Variants in ADCK1 observed in about 807,000 individuals in gnomAD.
The protein encoded by ADCK1 is aarF domain containing kinase 1, also known as aarF domain-containing protein kinase 1.
ADCK1 carries 41 observed loss-of-function variants against 52.3 expected under a neutral mutation model. The ratio of observed to expected loss-of-function variants is 0.78; its 90% CI spans 0.61 to 1.02. The LOEUF (loss-of-function observed/expected upper bound fraction) is 1.02. Among genes scored for constraint, ADCK1 ranks in the 50% least tolerant of loss-of-function variants. The probability of loss-of-function intolerance (pLI) is 0.00; values close to 1 mark genes in which losing one functional copy is unlikely to be tolerated. For synonymous variants in ADCK1, 250 were observed against 274.6 expected (o/e 0.91, Z 0.89); for missense variants, 658 against 679.5 (o/e 0.97, Z 0.35).
chr14:77,922,171 G>C (rs114409009), intron 7 of ADCK1, among the ~76,000 whole-genome samples: 10 of 152,192 alleles, frequency 6.6e-5, no homozygotes, highest in Non-Finnish European at 8.8e-5. Flanking sequence ...TGGTGGCATC[G>C]AGATGGGGAC....
chr14:77,861,404 G>A (rs929331117), intron 4 of ADCK1, among the ~76,000 whole-genome samples: 3 of 152,088 alleles, frequency 2.0e-5, no homozygotes, highest in African/African-American at 7.2e-5. Context: ...AAGGGTGGGT[G>A]CGTGTGGGGG....
intron 4 of ADCK1, among the ~76,000 whole-genome samples, chr14:77,878,569 G>C (rs1035904425): frequency 2.0e-5 from 3 of 152,222 alleles, no homozygotes; most frequent in Non-Finnish European, 4.4e-5. Flanking sequence ...TCTCAACTGT[G>C]GTGGGGCATA....
intron 1 of ADCK1, among the ~76,000 whole-genome samples, chr14:77,809,107 G>A (rs2081285379): frequency 6.6e-6 from 1 of 152,156 alleles, no homozygotes; most frequent in Non-Finnish European, 1.5e-5. Flanking sequence ...GCAAGTTGGG[G>A]TAAGAATTTG....
At chr14:77,861,168 C>A (rs1039656430) in intron 4 of ADCK1, among the ~76,000 whole-genome samples, 2 of 152,200 alleles carry the variant, frequency 1.3e-5, no homozygotes, top group African/African-American at 4.8e-5. Context: ...CTTCTTTAGA[C>A]CCCTGAGGAA....
At chr14:77,811,644 T>C (rs961394196) in intron 1 of ADCK1, among the ~76,000 whole-genome samples, 3 of 152,092 alleles carry the variant, frequency 2.0e-5, no homozygotes, top group South Asian at 2.1e-4. Context: ...CACTACAAAA[T>C]TGATACAAAA....
intron 3 of ADCK1, among the ~76,000 whole-genome samples, chr14:77,842,198 A>G (rs1468693425): frequency 6.6e-6 from 1 of 152,172 alleles, no homozygotes; most frequent in Non-Finnish European, 1.5e-5. Flanking sequence ...TATAGAAATC[A>G]TGGCATGTCA....
chr14:77,907,289 T>G (rs549288982), intron 6 of ADCK1, among the ~76,000 whole-genome samples: 2 of 152,346 alleles, frequency 1.3e-5, no homozygotes, highest in East Asian at 3.9e-4. Flanking sequence ...CAATGTTGTC[T>G]GCCCCAGGAA....
At position 77,907,930 on chromosome 14, in the gene ADCK1, G is replaced by T; in HGVS notation, c.858+11G>T. ...ATCGACGTCAATGAGGTGAGGTCAA[G>T]AGCTCAGGGCTGCTGTGCCGGGGAA... is the stretch of plus-strand genomic sequence containing the variant. On this transcript the variant is annotated intron_variant, in intron 7 of 10. Coordinates refer to ENST00000238561, the MANE Select transcript of ADCK1 (RefSeq NM_020421.4). 6.2e-7 allele frequency: 1 copy of T among 1,611,442 alleles called. No homozygotes were observed. The highest frequency in any genetic ancestry group is 1.1e-5 in the South Asian group (1 of 90,912).
intron 1 of ADCK1, among the ~76,000 whole-genome samples, chr14:77,804,935 G>A (rs2081187493): frequency 6.6e-6 from 1 of 152,098 alleles, no homozygotes; most frequent in Admixed American, 6.6e-5. Context: ...GGCTGGGCAC[G>A]GTGGCTCACG....
At position 77,813,898 on chromosome 14, in the gene ADCK1, G is replaced by C. The variant is rs539041264; in HGVS notation, c.-11-5070G>C. Reference sequence around the variant, plus strand: ...TTTTCCTGCCACAGCCTCTTGAGTAGCTGAAACTAAAGATGCATGCCACAA... The same window carrying C: ...TTTTCCTGCCACAGCCTCTTGAGTACCTGAAACTAAAGATGCATGCCACAA... On this transcript the variant is annotated intron_variant, in intron 1 of 10. Coordinates refer to ENST00000238561, the MANE Select transcript of ADCK1 (RefSeq NM_020421.4). 2.6e-5 allele frequency among the ~76,000 whole-genome samples: 4 copies of C among 151,558 alleles called. No homozygotes were observed. In the South Asian group the frequency reaches 8.3e-4, roughly 32 times the overall value.
chr14:77,912,433 C>CGTGTGT (rs57555913), intron 7 of ADCK1, among the ~76,000 whole-genome samples: 1,842 of 138,230 alleles, frequency 0.013, 23 homozygotes, highest in East Asian at 0.017. Context: ...TACGGAGGAG[C>CGTGTGT]GTGTGTGTGT....
At chr14:77,809,777 G>A (rs1363804526) in intron 1 of ADCK1, among the ~76,000 whole-genome samples, 1 of 150,990 alleles carries the variant, frequency 6.6e-6, no homozygotes, top group Non-Finnish European at 1.5e-5. Context: ...GTTCAGGCCT[G>A]TAATCCCAGC....
chr14:77,806,466 ATTG>A (rs2081227526), intron 1 of ADCK1, among the ~76,000 whole-genome samples: 1 of 151,936 alleles, frequency 6.6e-6, no homozygotes, highest in Non-Finnish European at 1.5e-5. Context: ...TATCAGTGGT[ATTG>A]TTGTATTTGC....
intron 1 of ADCK1, among the ~76,000 whole-genome samples, chr14:77,802,205 C>A (rs2081123886): frequency 6.6e-6 from 1 of 152,074 alleles, no homozygotes; most frequent in South Asian, 2.1e-4. Context: ...TAGATTGAAG[C>A]TCTAATAGCA....
chr14:77,906,057 ATCC>A (rs1375931238), intron 6 of ADCK1, among the ~76,000 whole-genome samples: 1 of 152,186 alleles, frequency 6.6e-6, no homozygotes, highest in Non-Finnish European at 1.5e-5. Context: ...GCCCCCATTT[ATCC>A]TCAGAGGTCC....
At chr14:77,912,487 G>T (rs1459147049) in intron 7 of ADCK1, among the ~76,000 whole-genome samples, 1 of 148,918 alleles carries the variant, frequency 6.7e-6, no homozygotes, top group Non-Finnish European at 1.5e-5. Context: ...TAATGAAAGA[G>T]TCCACAATCC....
chr14:77,865,457 T>G (rs1450272527), intron 4 of ADCK1, among the ~76,000 whole-genome samples: 1 of 152,188 alleles, frequency 6.6e-6, no homozygotes, highest in Non-Finnish European at 1.5e-5. Flanking sequence ...CACTCCAGCC[T>G]GGGTGACAGA....
chr14:77,884,542 C>T (rs1251558134), intron 4 of ADCK1, among the ~76,000 whole-genome samples: 1 of 152,132 alleles, frequency 6.6e-6, no homozygotes, highest in African/African-American at 2.4e-5. Context: ...ATCAGAGCCC[C>T]TTCAGTTGTG....
intron 4 of ADCK1, among the ~76,000 whole-genome samples, chr14:77,873,405 G>A (rs910743016): frequency 6.6e-6 from 1 of 152,224 alleles, no homozygotes; most frequent in Admixed American, 6.5e-5. Flanking sequence ...CTCATCAGTG[G>A]CTTTACCTGT....
Sources: gnomAD v4.1 joint callset for allele counts (sites outside exome capture counted in the v4.1 genomes callset) on GRCh38, gnomAD v4.1.1 for gene constraint, MANE v1.5 for transcripts, NCBI Gene and HGNC (gene_info 2026-07-23, HGNC 2026-07-21) for gene names.